Variants in FBXO36 observed in about 807,000 individuals in gnomAD.
FBXO36 encodes F-box only protein 36.
In FBXO36, 18 loss-of-function variants were observed where a neutral mutation model predicts 17.0. The ratio of observed to expected loss-of-function variants is 1.06; its 90% CI spans 0.73 to 1.57. FBXO36 has a LOEUF of 1.57. Ranked by LOEUF, FBXO36 falls within the 40% of genes most tolerant of loss-of-function variation. The pLI is 0.00. For synonymous variants in FBXO36, 83 were observed against 85.3 expected (o/e 0.97, Z 0.15); for missense variants, 229 against 221.9 (o/e 1.03, Z -0.20).
chr2:230,000,061 G>C (rs560520090), intron 3 of FBXO36, among the ~76,000 whole-genome samples: 1 of 152,032 alleles, frequency 6.6e-6, no homozygotes, highest in Non-Finnish European at 1.5e-5. Context: ...GTGCTGATAA[G>C]AAGCTGATTA....
Position 230,011,598 on chromosome 2 carries a change from C to CTTGTTTTTTTTTTTT in FBXO36, c.*716_*717insGTTTTTTTTTTTTTT, listed in dbSNP as rs2077416073. On this transcript the variant is annotated 3_prime_UTR_variant, in exon 4 of 4. Coordinates refer to ENST00000283946, the MANE Select transcript of FBXO36 (RefSeq NM_174899.5). Reference sequence around the variant, plus strand: ...AACCTATAAACATTTCTTTTCTTTTCTTTTTTTTTTTTTTTTTGTATTTTC... The same window carrying CTTGTTTTTTTTTTTT: ...AACCTATAAACATTTCTTTTCTTTTCTTGTTTTTTTTTTTTTTTTTTTTTTTTTTTTTGTATTTTC... 1 of 123,442 alleles carries CTTGTTTTTTTTTTTT rather than the reference C, an allele frequency of 8.1e-6. No individual in the cohort carries two copies. Among genetic ancestry groups the CTTGTTTTTTTTTTTT allele is most frequent in the Non-Finnish European group, 1.6e-5 (1 of 61,976 alleles). 7.6% of individuals were successfully genotyped at this position (123,442 alleles called of 1,614,324 possible).
intron 1 of FBXO36, among the ~76,000 whole-genome samples, chr2:229,949,787 T>C (rs946820168): frequency 3.3e-5 from 5 of 151,852 alleles, no homozygotes; most frequent in Non-Finnish European, 5.9e-5. Context: ...TAGCCGGGCG[T>C]GGTGGCGGGC....
chr2:229,924,559 T>G (rs991115200), intron 1 of FBXO36, among the ~76,000 whole-genome samples: 7 of 152,206 alleles, frequency 4.6e-5, no homozygotes, highest in South Asian at 4.1e-4. Context: ...GCATTTTCTT[T>G]CCCCTGAAGG....
chr2:229,977,407 GA>G (rs2077215099), intron 2 of FBXO36, among the ~76,000 whole-genome samples: 1 of 152,052 alleles, frequency 6.6e-6, no homozygotes, highest in African/African-American at 2.4e-5. Context: ...TTCTCAATAT[GA>G]AAAATTCAAA....
chr2:229,964,412 A>G (rs1461732211), intron 1 of FBXO36, among the ~76,000 whole-genome samples: 1 of 152,174 alleles, frequency 6.6e-6, no homozygotes, highest in Non-Finnish European at 1.5e-5. Context: ...CTTTGTTAAC[A>G]TGCCGTAAAT....
chr2:229,932,066 G>A (rs772554714), intron 1 of FBXO36, among the ~76,000 whole-genome samples: 25 of 151,886 alleles, frequency 1.6e-4, no homozygotes, highest in Non-Finnish European at 2.9e-4. Context: ...CTACAGGCCC[G>A]TTCCACCATG....
At chr2:229,966,947 A>G (rs1484850704) in intron 1 of FBXO36, among the ~76,000 whole-genome samples, 1 of 152,182 alleles carries the variant, frequency 6.6e-6, no homozygotes, top group Non-Finnish European at 1.5e-5. Context: ...TGGGGATGGC[A>G]TTGAATCTAT....
At chr2:229,966,511 T>A (rs1467611284) in intron 1 of FBXO36, among the ~76,000 whole-genome samples, 1 of 152,256 alleles carries the variant, frequency 6.6e-6, no homozygotes, top group Non-Finnish European at 1.5e-5. Context: ...TTTATGGTTT[T>A]AGGTCTAACA....
intron 1 of FBXO36, among the ~76,000 whole-genome samples, chr2:229,954,233 G>GTTTTTTTTTTTTTTTTTTTTTT (rs1283205428): frequency 3.0e-5 from 1 of 33,120 alleles, no homozygotes; most frequent in Non-Finnish European, 6.9e-5. Context: ...AAACCCTTTG[G>GTTTTTTTTTTTTTTTTTTTTTT]ATTTTTTTTT....
At chr2:229,947,869 A>C (rs1411706050) in intron 1 of FBXO36, among the ~76,000 whole-genome samples, 2 of 152,200 alleles carry the variant, frequency 1.3e-5, no homozygotes, top group Non-Finnish European at 2.9e-5. Flanking sequence ...GTGGGTGTGC[A>C]CAGTAAGCAG....
intron 1 of FBXO36, among the ~76,000 whole-genome samples, chr2:229,930,251 C>T (rs534854155): frequency 3.9e-5 from 6 of 152,228 alleles, no homozygotes; most frequent in Non-Finnish European, 5.9e-5. Flanking sequence ...GAGGCTGAGG[C>T]GGGAGGATCA....
At chr2:229,940,435 C>G (rs555976282) in intron 1 of FBXO36, among the ~76,000 whole-genome samples, 10 of 152,040 alleles carry the variant, frequency 6.6e-5, no homozygotes, top group Non-Finnish European at 1.0e-4. Flanking sequence ...AGGTGTGTAT[C>G]TGATTTATGG....
intron 3 of FBXO36, among the ~76,000 whole-genome samples, chr2:229,998,306 C>T (rs12618849): frequency 0.98 from 148,340 of 152,122 alleles, 72,446 homozygotes; most frequent in East Asian, 1. Context: ...ATTCCATCTC[C>T]ACAGTACATT....
intron 2 of FBXO36, among the ~76,000 whole-genome samples, chr2:229,994,366 C>A (rs1216430433): frequency 6.6e-6 from 1 of 152,180 alleles, no homozygotes; most frequent in Admixed American, 6.5e-5. Flanking sequence ...CAACTTAAAT[C>A]CTTAATGCCT....
In FBXO36 at chr2:229,985,350, G is replaced by A. The variant is rs143667440; in HGVS notation, c.205+9001G>A. ...GTTAATTATACTCCATCCAATAGGA[G>A]GTAGGTGTTTTCTTACCCCTTTTGC... is the stretch of plus-strand genomic sequence containing the variant. On this transcript the variant is annotated intron_variant, in intron 2 of 3. Transcript: ENST00000283946. Among the ~76,000 whole-genome samples, 3 of 152,216 alleles carry A rather than the reference G, an allele frequency of 2.0e-5. No homozygotes were observed. In the East Asian group the frequency reaches 5.8e-4, roughly 29 times the overall value.
At chr2:229,928,972 C>A (rs2076925678) in intron 1 of FBXO36, among the ~76,000 whole-genome samples, 1 of 21,656 alleles carries the variant, frequency 4.6e-5, no homozygotes, top group South Asian at 4.2e-3. Context: ...TTTTTCTTTT[C>A]ATTTTTTTTT....
At chr2:230,004,691 A>G (rs973919765) in intron 3 of FBXO36, among the ~76,000 whole-genome samples, 12 of 152,138 alleles carry the variant, frequency 7.9e-5, no homozygotes, top group Non-Finnish European at 1.8e-4. Flanking sequence ...TCTACTTCAC[A>G]ACATATTTTA....
At chr2:229,978,714 A>T (rs2077222751) in intron 2 of FBXO36, among the ~76,000 whole-genome samples, 1 of 151,882 alleles carries the variant, frequency 6.6e-6, no homozygotes. Context: ...TTGTTATAAC[A>T]TCCTTGTGAA....
intron 2 of FBXO36, among the ~76,000 whole-genome samples, chr2:229,994,621 A>AG (rs2077315619): frequency 6.6e-6 from 1 of 152,188 alleles, no homozygotes; most frequent in Non-Finnish European, 1.5e-5. Context: ...CAGGTTGAAT[A>AG]GGGAAGGTGG....
Sources: gnomAD v4.1 joint callset for allele counts (sites outside exome capture counted in the v4.1 genomes callset) on GRCh38, gnomAD v4.1.1 for gene constraint, MANE v1.5 for transcripts, NCBI Gene and HGNC (gene_info 2026-07-23, HGNC 2026-07-21) for gene names.